Variants in ATXN1 observed in about 807,000 individuals in gnomAD.
ATXN1 encodes ataxin-1.
Under a neutral mutation model 56.4 loss-of-function variants are expected in ATXN1, and 8 were observed. The ratio of observed to expected loss-of-function variants is 0.14; its 90% CI spans 0.08 to 0.26. ATXN1 has a LOEUF of 0.26. Ranked by LOEUF, ATXN1 falls within the 10% of genes least tolerant of loss-of-function variation. The probability of loss-of-function intolerance (pLI) is 1.00; values close to 1 mark genes in which losing one functional copy is unlikely to be tolerated. For missense variants in ATXN1, 987 were observed against 1,106.5 expected (o/e 0.89, Z 1.53); for synonymous variants, 514 against 494.6 (o/e 1.04, Z -0.52).
In ATXN1 at chr6:16,587,816, A is replaced by G. The variant is rs1162296927; in HGVS notation, c.-488-1909T>C. Among the ~76,000 whole-genome samples, 4 of 151,988 alleles carry G rather than the reference A, an allele frequency of 2.6e-5. No individual in the cohort carries two copies. The East Asian group carries it at 7.7e-4, about 29-fold the overall frequency. On this transcript the variant is annotated intron_variant, in intron 3 of 7. Transcript: ENST00000436367. ...CATGGTGGTGGGCGCCTGTAATCCC[A>G]GTGACCCGGGAGGCTGAGGCAGGAG...
At chr6:16,515,219 G>A (rs1311285553) in intron 5 of ATXN1, among the ~76,000 whole-genome samples, 2 of 152,016 alleles carry the variant, frequency 1.3e-5, no homozygotes, top group Non-Finnish European at 2.9e-5. Context: ...GCCTGCAACT[G>A]CCTTCCCTCT....
chr6:16,510,450 A>G (rs1172247615), intron 5 of ATXN1, among the ~76,000 whole-genome samples: 1 of 152,176 alleles, frequency 6.6e-6, no homozygotes, highest in African/African-American at 2.4e-5. Flanking sequence ...TGCTTTACCT[A>G]TATAAAACTA....
chr6:16,675,188 CT>C (rs1758635191), intron 2 of ATXN1, among the ~76,000 whole-genome samples: 1 of 152,198 alleles, frequency 6.6e-6, no homozygotes, highest in South Asian at 2.1e-4. Flanking sequence ...ATACACACCC[CT>C]GGCAACTGAA....
intron 5 of ATXN1, among the ~76,000 whole-genome samples, chr6:16,515,423 C>T (rs972915915): frequency 5.9e-5 from 9 of 152,182 alleles, no homozygotes; most frequent in Non-Finnish European, 1.0e-4. Flanking sequence ...CCTACCACTA[C>T]CACCCCCAAA....
At chr6:16,603,344 C>T (rs1305838051) in intron 3 of ATXN1, among the ~76,000 whole-genome samples, 1 of 152,214 alleles carries the variant, frequency 6.6e-6, no homozygotes, top group Non-Finnish European at 1.5e-5. Flanking sequence ...TCAACTCACC[C>T]AGAGACTGAG....
intron 4 of ATXN1, among the ~76,000 whole-genome samples, chr6:16,564,245 ATTTTTGGG>A (rs1762173101): frequency 6.6e-6 from 1 of 152,154 alleles, no homozygotes; most frequent in Non-Finnish European, 1.5e-5. Flanking sequence ...AAGAAAAATC[ATTTTTGGG>A]AGAGTGAGAT....
rs112448047 is a variant in ATXN1 at position 16,309,883 on chromosome 6, A to C, written c.1918-3024T>G. Among the ~76,000 whole-genome samples the C allele has an allele frequency of 4.3e-3, 649 of 152,050 alleles. 5 individuals are homozygous for C. Among genetic ancestry groups the C allele is most frequent in the African/African-American group, 0.015 (627 of 41,440 alleles). ...ACCCCATCTCTACTAAAAATGCAAA[A>C]ATTAGCTGGGCATGGTGGCAGGAAC... On this transcript the variant is annotated intron_variant, in intron 7 of 7. Transcript: ENST00000436367.
intron 4 of ATXN1, among the ~76,000 whole-genome samples, chr6:16,567,758 G>A (rs1762256040): frequency 6.6e-6 from 1 of 151,796 alleles, no homozygotes; most frequent in African/African-American, 2.4e-5. Flanking sequence ...GAGTATTTTT[G>A]TGCACACATT....
At chr6:16,561,456 C>T (rs368399660) in intron 4 of ATXN1, among the ~76,000 whole-genome samples, 25 of 152,150 alleles carry the variant, frequency 1.6e-4, no homozygotes, top group African/African-American at 5.8e-4. Context: ...GGACATTCAC[C>T]AACAAGTTCC....
At chr6:16,524,598 A>C (rs1414904902) in intron 4 of ATXN1, among the ~76,000 whole-genome samples, 1 of 152,214 alleles carries the variant, frequency 6.6e-6, no homozygotes, top group African/African-American at 2.4e-5. Flanking sequence ...GGCAATAACA[A>C]TATCGACTTC....
chr6:16,714,265 C>T (rs937005765), intron 2 of ATXN1, among the ~76,000 whole-genome samples: 1 of 151,486 alleles, frequency 6.6e-6, no homozygotes, highest in Non-Finnish European at 1.5e-5. Flanking sequence ...CTGCTACACT[C>T]ATCCCTCACT....
At chr6:16,415,298 C>T (rs898871731) in intron 6 of ATXN1, among the ~76,000 whole-genome samples, 1 of 152,084 alleles carries the variant, frequency 6.6e-6, no homozygotes, top group African/African-American at 2.4e-5. Context: ...GGTGCGATCT[C>T]GGCTCACTGC....
chr6:16,588,159 T>G (rs1426038105), intron 3 of ATXN1, among the ~76,000 whole-genome samples: 1 of 152,018 alleles, frequency 6.6e-6, no homozygotes, highest in Non-Finnish European at 1.5e-5. Flanking sequence ...GCAGCCATAC[T>G]CCTCAACTCC....
At chr6:16,335,293 G>A (rs939972968) in intron 6 of ATXN1, among the ~76,000 whole-genome samples, 11 of 152,242 alleles carry the variant, frequency 7.2e-5, no homozygotes, top group African/African-American at 2.7e-4. Context: ...CTCCTGAAGG[G>A]GACTGAAGGC....
At chr6:16,409,295 T>TAA (rs367909909) in intron 6 of ATXN1, among the ~76,000 whole-genome samples, 19,938 of 143,184 alleles carry the variant, frequency 0.14, 1,376 homozygotes, top group Admixed American at 0.16. Flanking sequence ...TTTATGAAAC[T>TAA]AAAAAAAAAA....
At chr6:16,534,552 C>T (rs554434688) in intron 4 of ATXN1, among the ~76,000 whole-genome samples, 26 of 151,734 alleles carry the variant, frequency 1.7e-4, no homozygotes, top group South Asian at 4.2e-4. Context: ...CCCACCATGG[C>T]CAATTTCAAG....
At chr6:16,749,460 C>T (rs932751026) in intron 2 of ATXN1, among the ~76,000 whole-genome samples, 2 of 152,170 alleles carry the variant, frequency 1.3e-5, no homozygotes, top group African/African-American at 4.8e-5. Context: ...TACACACACA[C>T]ATTAGATTTA....
At chr6:16,694,016 A>G (rs1023137185) in intron 2 of ATXN1, among the ~76,000 whole-genome samples, 6 of 152,196 alleles carry the variant, frequency 3.9e-5, no homozygotes, top group African/African-American at 1.4e-4. Context: ...AAAAGTCAAA[A>G]CTTGAAACAA....
At chr6:16,337,525 A>C (rs897604803) in intron 6 of ATXN1, among the ~76,000 whole-genome samples, 1 of 152,268 alleles carries the variant, frequency 6.6e-6, no homozygotes, top group African/African-American at 2.4e-5. Context: ...AGATGGAAAA[A>C]TAACCATCTG....
Sources: gnomAD v4.1 joint callset for allele counts (sites outside exome capture counted in the v4.1 genomes callset) on GRCh38, gnomAD v4.1.1 for gene constraint, MANE v1.5 for transcripts, NCBI Gene and HGNC (gene_info 2026-07-23, HGNC 2026-07-21) for gene names.